The following SH3BP5 variants were observed in gnomAD, a reference collection of about 807,000 sequenced individuals.
SH3BP5 encodes the protein SH3 domain-binding protein 5.
A neutral mutation model predicts 43.3 loss-of-function variants in SH3BP5; 22 were observed. The ratio of observed to expected loss-of-function variants is 0.51; its 90% CI spans 0.36 to 0.73. SH3BP5 has a LOEUF of 0.73. SH3BP5 is among the 30% of genes least tolerant of loss of function. The pLI, the probability that SH3BP5 is intolerant of heterozygous loss-of-function variation, is 0.00. For missense variants in SH3BP5, 529 were observed against 586.9 expected, an observed-to-expected ratio of 0.90 and a Z score of 1.02; for synonymous variants, 255 against 225.8, an observed-to-expected ratio of 1.13 and a Z score of -1.16.
At chr3:15,267,599 T>C (rs899809932) in intron 4 of SH3BP5, among the ~76,000 whole-genome samples, 4 of 152,162 alleles carry the variant, frequency 2.6e-5, no homozygotes, top group African/African-American at 9.7e-5. Context: ...AGAAGGCACA[T>C]ATCAGCTGGC....
chr3:15,300,520 G>A (rs1367455659), intron 3 of SH3BP5, among the ~76,000 whole-genome samples: 1 of 151,966 alleles, frequency 6.6e-6, no homozygotes, highest in East Asian at 1.9e-4. Flanking sequence ...GGGGACAAGA[G>A]GAAGAAAACA....
intron 3 of SH3BP5, among the ~76,000 whole-genome samples, chr3:15,271,268 C>T (rs527807648): frequency 1.9e-4 from 29 of 152,214 alleles, no homozygotes; most frequent in African/African-American, 7.0e-4. Flanking sequence ...TTCCCCACTC[C>T]TTGGGAGCTT....
rs1429690129 is a variant in SH3BP5 at position 15,332,332 on chromosome 3, T to A, written c.77A>T (p.Glu26Val). ...CCCCTGCTCCATCCCCTCTTCCTCC[T>A]CCTCCTCCTCGTCCCGGGCAGGCGG... Reference protein sequence around the residue: ...ILPPARDEEEEEEEGMEQGLE... With the variant: ...ILPPARDEEEVEEEGMEQGLE... The change falls in exon 1 of 9, where the codon GAG becomes GTG. Residue 26 changes from glutamate to valine, a missense_variant. Physicochemically the swap from Glu to Val is moderately radical, Grantham distance 121 (BLOSUM62 -2). Transcript: ENST00000383791. The A allele has an allele frequency of 3.9e-6, 6 of 1,544,552 alleles. No individual in the cohort carries two copies. The South Asian group carries it at 7.1e-5, about 18-fold the overall frequency.
At chr3:15,319,978 G>T (rs1025497593) in intron 2 of SH3BP5, among the ~76,000 whole-genome samples, 1 of 152,166 alleles carries the variant, frequency 6.6e-6, no homozygotes, top group Non-Finnish European at 1.5e-5. Flanking sequence ...ATTTGTTAGG[G>T]AGAAACAGTA....
chr3:15,314,987 G>A (rs1002945608), intron 2 of SH3BP5, among the ~76,000 whole-genome samples: 1 of 152,242 alleles, frequency 6.6e-6, no homozygotes, highest in South Asian at 2.1e-4. Flanking sequence ...AGGAGGGAGA[G>A]ACAGACAAAA....
chr3:15,325,675 T>A (rs1321320047), intron 2 of SH3BP5, among the ~76,000 whole-genome samples: 2 of 152,224 alleles, frequency 1.3e-5, no homozygotes, highest in Admixed American at 6.5e-5. Flanking sequence ...TCTGTCCCCA[T>A]CACCGAAAAT....
chr3:15,320,649 C>T (rs928949198), intron 2 of SH3BP5, among the ~76,000 whole-genome samples: 2 of 151,584 alleles, frequency 1.3e-5, no homozygotes, highest in Non-Finnish European at 2.9e-5. Flanking sequence ...CACCCCACTA[C>T]GTTAAAGTCC....
chr3:15,303,313 G>T (rs1452243963), intron 3 of SH3BP5, among the ~76,000 whole-genome samples: 1 of 152,216 alleles, frequency 6.6e-6, no homozygotes, highest in African/African-American at 2.4e-5. Flanking sequence ...CTCTAATCGG[G>T]AAGCCGAAGC....
At chr3:15,330,047 C>T (rs73148003) in intron 2 of SH3BP5, among the ~76,000 whole-genome samples, 3,756 of 152,178 alleles carry the variant, frequency 0.025, 159 homozygotes, top group African/African-American at 0.085. Context: ...CAGAAGGAGG[C>T]GGGGGGTGAG....
At chr3:15,276,737 G>A (rs1696981591) in intron 3 of SH3BP5, among the ~76,000 whole-genome samples, 1 of 152,166 alleles carries the variant, frequency 6.6e-6, no homozygotes. Flanking sequence ...GACCAACCTA[G>A]TATCTGACTA....
chr3:15,284,175 G>A (rs770308219), intron 3 of SH3BP5, among the ~76,000 whole-genome samples: 3 of 152,196 alleles, frequency 2.0e-5, no homozygotes, highest in Non-Finnish European at 4.4e-5. Context: ...AAGCTTACAA[G>A]ACTGACTCTC....
At chr3:15,287,190 A>G (rs1243868068) in intron 3 of SH3BP5, among the ~76,000 whole-genome samples, 1 of 152,258 alleles carries the variant, frequency 6.6e-6, no homozygotes, top group Non-Finnish European at 1.5e-5. Flanking sequence ...AGCAGTACAG[A>G]GTGTCAGCTG....
intron 3 of SH3BP5, among the ~76,000 whole-genome samples, chr3:15,290,286 T>C (rs1472834895): frequency 6.6e-6 from 1 of 151,886 alleles, no homozygotes; most frequent in Non-Finnish European, 1.5e-5. Flanking sequence ...CCCAGCACTT[T>C]GAGAGGCCAA....
intron 3 of SH3BP5, among the ~76,000 whole-genome samples, chr3:15,284,830 C>G (rs1474612811): frequency 6.6e-6 from 1 of 152,190 alleles, no homozygotes; most frequent in Non-Finnish European, 1.5e-5. Context: ...GGGAGAGACC[C>G]ATAAAAGGTA....
At chr3:15,329,496 G>A (rs9854364) in intron 2 of SH3BP5, among the ~76,000 whole-genome samples, 25,967 of 152,204 alleles carry the variant, frequency 0.17, 2,256 homozygotes, top group Middle Eastern at 0.3. Context: ...AACCCTTCAC[G>A]CAACTCAGAG....
At chr3:15,332,236 G>C (rs978622651) in intron 1 of SH3BP5, 35 bp downstream of exon 1, 9 of 1,550,430 alleles carry the variant, frequency 5.8e-6, no homozygotes, top group Non-Finnish European at 7.8e-6. Context: ...CAGCCCTCGC[G>C]AAGCCCGGAT....
At chr3:15,316,561 T>C (rs1215693724) in intron 2 of SH3BP5, among the ~76,000 whole-genome samples, 1 of 152,136 alleles carries the variant, frequency 6.6e-6, no homozygotes, top group Non-Finnish European at 1.5e-5. Context: ...TGATGTTACA[T>C]AGGCAACAGA....
intron 3 of SH3BP5, among the ~76,000 whole-genome samples, chr3:15,302,373 G>A (rs1559448316): frequency 6.6e-6 from 1 of 152,206 alleles, no homozygotes; most frequent in Admixed American, 6.5e-5. Context: ...CTCAGGGCTT[G>A]TGCAGACCAA....
intron 3 of SH3BP5, among the ~76,000 whole-genome samples, chr3:15,275,314 AG>A (rs1176541234): frequency 6.6e-6 from 1 of 152,262 alleles, no homozygotes; most frequent in African/African-American, 2.4e-5. Context: ...CACAAAACAC[AG>A]GACTTCCAAA....
Sources: gnomAD v4.1 joint callset for allele counts (sites outside exome capture counted in the v4.1 genomes callset) on GRCh38, gnomAD v4.1.1 for gene constraint, MANE v1.5 for transcripts, NCBI Gene and HGNC (gene_info 2026-07-23, HGNC 2026-07-21) for gene names.